Variants in IFT70A observed in about 807,000 individuals in gnomAD.
IFT70A encodes the protein intraflagellar transport 70A, also known as intraflagellar transport protein 70A.
chr2:177,617,810 T>C, the IFT70A span: 1 of 1,614,132 alleles, frequency 6.2e-7, no homozygotes, highest in Non-Finnish European at 8.5e-7. Context: ...CTGGCATCCA[T>C]GTTCATTAGT....
At chr2:177,617,537 G>A in the IFT70A span, 5 of 1,614,220 alleles carry the variant, frequency 3.1e-6, no homozygotes, top group Non-Finnish European at 4.2e-6. Context: ...CTCCGAAGCT[G>A]CTCAGTCAGC....
At chr2:177,616,438 A>T in the IFT70A span, 1 of 292,150 alleles carries the variant, frequency 3.4e-6, no homozygotes, top group East Asian at 6.1e-5. Flanking sequence ...ACTTGCTTAT[A>T]CAAAGATGTT....
the IFT70A span, chr2:177,613,075 T>C: frequency 3.0e-3 from 461 of 152,386 alleles, 4 homozygotes; most frequent in African/African-American, 0.011. Flanking sequence ...ATAGATCTTA[T>C]ATACATTGTC....
chr2:177,616,944 G>A, the IFT70A span: 2 of 1,605,416 alleles, frequency 1.2e-6, no homozygotes, highest in African/African-American at 2.7e-5. Flanking sequence ...AGCATCTTTT[G>A]GCATAATACC....
the IFT70A span, chr2:177,617,901 A>G: frequency 1.2e-6 from 2 of 1,614,152 alleles, no homozygotes; most frequent in South Asian, 1.1e-5. Flanking sequence ...GAGCTACCTC[A>G]TAGTTTCTCA....
the IFT70A span, chr2:177,617,404 A>G: frequency 6.3e-7 from 1 of 1,595,254 alleles, no homozygotes; most frequent in Non-Finnish European, 8.5e-7. Flanking sequence ...ATTCCAGTAG[A>G]TTTTTGCCTG....
the IFT70A span, chr2:177,618,434 A>G: frequency 6.2e-7 from 1 of 1,609,832 alleles, no homozygotes; most frequent in Non-Finnish European, 8.5e-7. Context: ...CAGGCCTTGT[A>G]CAGGGCCTGG....
chr2:177,618,367 T>C, the IFT70A span: 4 of 1,613,466 alleles, frequency 2.5e-6, no homozygotes, highest in Non-Finnish European at 3.4e-6. Context: ...GACCCGGCTG[T>C]GGTAGGCGGG....
the IFT70A span, chr2:177,616,570 A>T: frequency 2.4e-6 from 2 of 841,252 alleles, no homozygotes; most frequent in Non-Finnish European, 3.4e-6. Context: ...AAAGTTGCTC[A>T]AACATAAACT....
the IFT70A span, chr2:177,616,907 T>G: frequency 6.3e-7 from 1 of 1,596,078 alleles, no homozygotes; most frequent in Non-Finnish European, 8.5e-7. Context: ...ATCATGTGTT[T>G]TGACATGTTT....
the IFT70A span, chr2:177,616,315 C>T: frequency 6.3e-6 from 1 of 158,726 alleles, no homozygotes; most frequent in Middle Eastern, 3.2e-3. Context: ...CGTGGGCTAG[C>T]AGTCATTTAC....
At chr2:177,618,688 C>G in the IFT70A span, 12 of 1,583,672 alleles carry the variant, frequency 7.6e-6, no homozygotes, top group Admixed American at 1.7e-5. Context: ...CTGCGCGCCG[C>G]TCAGACCAGC....
chr2:177,618,668 C>A, the IFT70A span: 1 of 1,598,532 alleles, frequency 6.3e-7, no homozygotes. Flanking sequence ...GTAAACTCCC[C>A]GTCGGGGATC....
chr2:177,616,148 C>T, the IFT70A span: 2 of 152,292 alleles, frequency 1.3e-5, no homozygotes, highest in South Asian at 2.1e-4. Flanking sequence ...TCTAAAAGGG[C>T]TTAGAGGTCT....
the IFT70A span, chr2:177,617,905 T>C: frequency 4.3e-6 from 7 of 1,614,066 alleles, no homozygotes; most frequent in African/African-American, 8.0e-5. Context: ...TACCTCATAG[T>C]TTCTCAGTTG....
the IFT70A span, chr2:177,615,505 TCCAGGTAAAAAGGCAAAAATC>T: frequency 6.6e-6 from 1 of 152,082 alleles, no homozygotes; most frequent in Non-Finnish European, 1.5e-5. Flanking sequence ...AAGCAAAAAT[TCCAGGTAAAAAGGCAAAAATC>T]CAAATTTCTT....
chr2:177,617,230 T>A, the IFT70A span: 1 of 1,594,626 alleles, frequency 6.3e-7, no homozygotes, highest in Non-Finnish European at 8.5e-7. Flanking sequence ...CAGGATGTTA[T>A]CATAATGCTT....
chr2:177,617,909 T>G, the IFT70A span: 1 of 1,614,180 alleles, frequency 6.2e-7, no homozygotes, highest in South Asian at 1.1e-5. Context: ...TCATAGTTTC[T>G]CAGTTGGTAT....
At chr2:177,617,190 G>C in the IFT70A span, 1 of 1,609,826 alleles carries the variant, frequency 6.2e-7, no homozygotes, top group Non-Finnish European at 8.5e-7. Context: ...AGGAAACACA[G>C]AGATTAGCCA....
Sources: gnomAD v4.1 joint callset for allele counts on GRCh38, gnomAD v4.1.1 for gene constraint, MANE v1.5 for transcripts, NCBI Gene and HGNC (gene_info 2026-07-23, HGNC 2026-07-21) for gene names.